Variants in SLC9A9 observed in about 807,000 individuals in gnomAD.
SLC9A9 encodes solute carrier family 9 member A9.
In SLC9A9, 62 loss-of-function variants were observed where a neutral mutation model predicts 77.8. That is an observed-to-expected ratio of 0.80 (90% CI 0.65 to 0.98). The LOEUF is 0.98. Ranked by LOEUF, SLC9A9 falls within the 50% of genes least tolerant of loss-of-function variation. The pLI is 0.00. For synonymous variants in SLC9A9, 320 were observed against 283.5 expected, an observed-to-expected ratio of 1.13 and a Z score of -1.29; for missense variants, 775 against 774.9, an observed-to-expected ratio of 1.00 and a Z score of 0.00.
intron 4 of SLC9A9, among the ~76,000 whole-genome samples, chr3:143,769,976 C>A (rs2007460447): frequency 6.6e-6 from 1 of 152,118 alleles, no homozygotes; most frequent in Non-Finnish European, 1.5e-5. Flanking sequence ...TTATAAATAG[C>A]CTGAAATTTA....
intron 9 of SLC9A9, chr3:143,517,747 TAATTTGACG>T: frequency 2.5e-6 from 4 of 1,598,086 alleles, no homozygotes; most frequent in Non-Finnish European, 2.5e-6. Context: ...TTGGCTTCTG[TAATTTGACG>T]AAGACACTGG....
At chr3:143,625,921 A>G (rs2038315669) in intron 6 of SLC9A9, among the ~76,000 whole-genome samples, 1 of 152,234 alleles carries the variant, frequency 6.6e-6, no homozygotes, top group Non-Finnish European at 1.5e-5. Context: ...ATTTACAAGA[A>G]AAAAACAACC....
At chr3:143,352,176 G>A (rs1203137969) in intron 14 of SLC9A9, among the ~76,000 whole-genome samples, 1 of 152,228 alleles carries the variant, frequency 6.6e-6, no homozygotes, top group African/African-American at 2.4e-5. Context: ...TGAACCAGTA[G>A]AAGGAACGGC....
intron 4 of SLC9A9, among the ~76,000 whole-genome samples, chr3:143,723,520 GAC>G (rs1206642431): frequency 1.3e-5 from 2 of 152,158 alleles, no homozygotes; most frequent in Non-Finnish European, 2.9e-5. Context: ...TTCAAAGGAT[GAC>G]ACAGTTTTTA....
intron 1 of SLC9A9, among the ~76,000 whole-genome samples, chr3:143,844,751 TTC>T (rs1004517204): frequency 1.8e-4 from 26 of 148,390 alleles, no homozygotes; most frequent in Admixed American, 1.6e-3. Flanking sequence ...CTTTCTTTCT[TTC>T]TTTCTTTCTT....
At chr3:143,752,885 G>A (rs1202520582) in intron 4 of SLC9A9, among the ~76,000 whole-genome samples, 3 of 152,050 alleles carry the variant, frequency 2.0e-5, no homozygotes, top group Non-Finnish European at 4.4e-5. Context: ...GCACTTATTG[G>A]GCTCAAAGGC....
chr3:143,768,075 C>A, intron 4 of SLC9A9, among the ~76,000 whole-genome samples: 1 of 152,156 alleles, frequency 6.6e-6, no homozygotes, highest in East Asian at 1.9e-4. Context: ...TTCCATCTTT[C>A]TCACCACTTT....
intron 14 of SLC9A9, among the ~76,000 whole-genome samples, chr3:143,317,420 G>A (rs1473814318): frequency 6.6e-6 from 1 of 152,182 alleles, no homozygotes; most frequent in African/African-American, 2.4e-5. Context: ...CTCTCAGGTT[G>A]GATGTCTCAG....
At chr3:143,545,585 C>T (rs1169585147) in intron 9 of SLC9A9, among the ~76,000 whole-genome samples, 1 of 152,148 alleles carries the variant, frequency 6.6e-6, no homozygotes, top group Non-Finnish European at 1.5e-5. Context: ...CAGTCATATC[C>T]TGAGATGCTG....
At chr3:143,772,285 G>C (rs1466980300) in intron 4 of SLC9A9, among the ~76,000 whole-genome samples, 1 of 152,082 alleles carries the variant, frequency 6.6e-6, no homozygotes, top group Non-Finnish European at 1.5e-5. Context: ...ACACCTTCGT[G>C]CTCCAAGGCC....
At chr3:143,372,064 C>A in intron 13 of SLC9A9, 1 of 339,092 alleles carries the variant, frequency 2.9e-6, no homozygotes. Context: ...TGAAAGAAAT[C>A]ATAGATCCAA....
chr3:143,649,523 G>A (rs2038763195), intron 6 of SLC9A9, among the ~76,000 whole-genome samples: 1 of 152,130 alleles, frequency 6.6e-6, no homozygotes, highest in African/African-American at 2.4e-5. Context: ...GAAATTCAGA[G>A]CACATTTAAC....
At chr3:143,807,661 C>T (rs1200917925) in intron 2 of SLC9A9, among the ~76,000 whole-genome samples, 1 of 152,184 alleles carries the variant, frequency 6.6e-6, no homozygotes, top group Non-Finnish European at 1.5e-5. Context: ...AGGAGAATCG[C>T]TTGATCCTGG....
intron 14 of SLC9A9, among the ~76,000 whole-genome samples, chr3:143,269,651 C>T (rs567862547): frequency 1.3e-5 from 2 of 152,264 alleles, no homozygotes; most frequent in African/African-American, 4.8e-5. Context: ...TAATGAAATC[C>T]CCAGAGCTGC....
At chr3:143,813,726 C>T (rs935955669) in intron 2 of SLC9A9, among the ~76,000 whole-genome samples, 11 of 152,192 alleles carry the variant, frequency 7.2e-5, no homozygotes, top group Admixed American at 3.9e-4. Flanking sequence ...TCTATTTATC[C>T]GCTGGCTACA....
intron 8 of SLC9A9, among the ~76,000 whole-genome samples, chr3:143,557,149 C>T (rs2036999176): frequency 6.6e-6 from 1 of 152,210 alleles, no homozygotes; most frequent in South Asian, 2.1e-4. Context: ...AGTGAGTTCT[C>T]ACTAGATCGG....
chr3:143,670,241 C>CACTCCAA (rs1425188773), intron 5 of SLC9A9, among the ~76,000 whole-genome samples: 1 of 152,184 alleles, frequency 6.6e-6, no homozygotes, highest in Non-Finnish European at 1.5e-5. Context: ...CTATGGGTCT[C>CACTCCAA]ACTCCAAACT....
chr3:143,441,348 G>A (rs928657166), intron 12 of SLC9A9, among the ~76,000 whole-genome samples: 44 of 152,332 alleles, frequency 2.9e-4, no homozygotes, highest in African/African-American at 1.0e-3. Flanking sequence ...ATGCCAGGGA[G>A]GGTGGGAAGT....
At chr3:143,292,375 A>G (rs1409793663) in intron 14 of SLC9A9, among the ~76,000 whole-genome samples, 2 of 152,208 alleles carry the variant, frequency 1.3e-5, no homozygotes, top group African/African-American at 2.4e-5. Flanking sequence ...GTGGACTTAC[A>G]CTACTATTTC....
Sources: gnomAD v4.1 joint callset for allele counts (sites outside exome capture counted in the v4.1 genomes callset) on GRCh38, gnomAD v4.1.1 for gene constraint, MANE v1.5 for transcripts, NCBI Gene and HGNC (gene_info 2026-07-23, HGNC 2026-07-21) for gene names.